Variants in USP22 observed in about 807,000 individuals in gnomAD.
The protein encoded by USP22 is ubiquitin specific peptidase 22, also known as ubiquitin carboxyl-terminal hydrolase 22.
A neutral mutation model predicts 68.1 loss-of-function variants in USP22; 22 were observed. That is an observed-to-expected ratio of 0.32 (90% CI 0.23 to 0.46). USP22 has a LOEUF of 0.46. USP22 is among the 20% of genes least tolerant of loss of function. The pLI is 1.00. For missense variants in USP22, 433 were observed against 695.8 expected (o/e 0.62, Z 4.25); for synonymous variants, 279 against 274.2 (o/e 1.02, Z -0.17).
chr17:21,012,778 C>T (rs1914010645), intron 7 of USP22, 52 bp downstream of exon 7: 2 of 1,516,740 alleles, frequency 1.3e-6, no homozygotes, highest in East Asian at 4.5e-5. Flanking sequence ...GGGAGGATGT[C>T]AGTACGGCCC....
At chr17:21,012,965 T>C in intron 6 of USP22, 30 bp from the exon 7 acceptor site, 1 of 1,604,698 alleles carries the variant, frequency 6.2e-7, no homozygotes, top group Non-Finnish European at 8.5e-7. Context: ...CTGGGATTAG[T>C]GTCTCCCCAA....
At chr17:21,014,205 G>A (rs1402555095) in intron 6 of USP22, among the ~76,000 whole-genome samples, 1 of 152,264 alleles carries the variant, frequency 6.6e-6, no homozygotes, top group Non-Finnish European at 1.5e-5. Flanking sequence ...TTTCTAAACA[G>A]AAGAACCTTA....
intron 1 of USP22, among the ~76,000 whole-genome samples, chr17:21,031,835 G>T (rs1181605381): frequency 6.6e-6 from 1 of 152,230 alleles, no homozygotes; most frequent in Non-Finnish European, 1.5e-5. Flanking sequence ...CAATCACCAG[G>T]GAAGACACAT....
At chr17:21,020,462 G>A (rs546130508) in intron 3 of USP22, among the ~76,000 whole-genome samples, 2 of 152,208 alleles carry the variant, frequency 1.3e-5, no homozygotes, top group East Asian at 3.9e-4. Context: ...TGTGCAGTGG[G>A]GCTGCTGGGA....
intron 1 of USP22, among the ~76,000 whole-genome samples, chr17:21,035,756 C>T (rs186314242): frequency 2.0e-5 from 3 of 152,102 alleles, no homozygotes; most frequent in East Asian, 3.9e-4. Flanking sequence ...TTCGGCTGGG[C>T]GCGGTGGCTC....
Position 21,042,741 on chromosome 17 carries a change from T to A in USP22, c.95A>T (p.Asp32Val), listed in dbSNP as rs1233250493. 66 of 1,490,302 alleles carry A rather than the reference T, an allele frequency of 4.4e-5. No homozygotes were observed. The highest frequency in any genetic ancestry group is 5.8e-5 in the Non-Finnish European group (65 of 1,119,904). 92.3% of individuals were successfully genotyped at this position (1,490,302 alleles called of 1,614,324 possible). A position where few individuals can be genotyped will look rare whatever the true frequency, so the allele number is the denominator to read the frequency against. Residue 32 changes from aspartate to valine, a missense_variant, in exon 1 of 13, where the codon GAC becomes GTC. Asp to Val is a radical substitution (Grantham distance 152). This residue lies in a region of USP22 where 110 missense variants were observed against 89.9 expected (regional missense o/e 1.22). Coordinates refer to ENST00000261497, the MANE Select transcript of USP22 (RefSeq NM_015276.2). ...GGCCCGCAGGTTCTGCTTCCAGTTG[T>A]CCACCTTGAAGCTGCCCAGGTGCGA... is the stretch of plus-strand genomic sequence containing the variant. ...GCSHLGSFKV[D>V]NWKQNLRAIY...
At chr17:21,009,641 C>G (rs1052409603) in intron 8 of USP22, among the ~76,000 whole-genome samples, 2 of 152,106 alleles carry the variant, frequency 1.3e-5, no homozygotes. Flanking sequence ...TTTAATTTAG[C>G]TGCAAAGACT....
intron 1 of USP22, 88 bp downstream of exon 1, chr17:21,042,577 A>C: frequency 2.5e-6 from 3 of 1,213,786 alleles, no homozygotes; most frequent in Non-Finnish European, 3.1e-6. Flanking sequence ...GGGGAAGGGA[A>C]GAGGGCAGGA....
chr17:21,042,363 G>A (rs1357346255), intron 1 of USP22: 2 of 201,956 alleles, frequency 9.9e-6, no homozygotes, highest in Non-Finnish European at 2.0e-5. Flanking sequence ...GAGAAAGGAG[G>A]GGGAGGGGAC....
chr17:21,035,848 G>A (rs1195167016), intron 1 of USP22, among the ~76,000 whole-genome samples: 1 of 151,902 alleles, frequency 6.6e-6, no homozygotes, highest in Non-Finnish European at 1.5e-5. Context: ...GGCTAACACA[G>A]TGAAACCCAG....
At position 21,007,960 on chromosome 17, in the gene USP22, C is replaced by T. The variant is rs1328721529; in HGVS notation, c.1140G>A (p.Lys380=). The change falls in exon 9 of 13, where the codon AAG becomes AAA. Residue 380 remains lysine (K), a synonymous_variant. Transcript: ENST00000261497. ...AGCTATGGCAACCGCTGCACTTGAT[C>T]TTGGCGCTGCTGCCCAAGTGCTCTG... ...TRPEHLGSSA[K]IKCSGCHSYQ... 1 of 1,614,022 alleles carries T rather than the reference C, an allele frequency of 6.2e-7. No individual in the cohort carries two copies. Among genetic ancestry groups the T allele is most frequent in the East Asian group, 2.2e-5 (1 of 44,894 alleles).
chr17:21,018,886 G>C (rs770534879), intron 4 of USP22, among the ~76,000 whole-genome samples, 198 bp downstream of exon 4: 3 of 152,132 alleles, frequency 2.0e-5, no homozygotes, highest in Non-Finnish European at 2.9e-5. Flanking sequence ...CTGTTGCTAC[G>C]CATCACTCTG....
At chr17:21,011,843 C>T (rs147880271) in intron 7 of USP22, among the ~76,000 whole-genome samples, 3 of 152,250 alleles carry the variant, frequency 2.0e-5, no homozygotes, top group East Asian at 3.9e-4. Flanking sequence ...AATTTACTCT[C>T]GATATTTATA....
rs111712869 is a variant in USP22, at chr17:21,042,428, AG to A, written c.171+236del. On this transcript the variant is annotated intron_variant, in intron 1 of 12. Transcript: ENST00000261497. ...GGGGAGGGAAAGGAAGAATGGGGGA[AG>A]GGGGGAGAGGGGAAGGATAGGAAGA... Among the ~76,000 whole-genome samples, 528 of 99,864 alleles carry A rather than the reference AG, an allele frequency of 5.3e-3. 3 individuals carry two copies. The highest frequency in any genetic ancestry group is 0.019 in the African/African-American group (335 of 17,398). The allele number at this position is 99,864 out of a possible 152,430, so 65.5% of individuals were successfully genotyped here. A position where few individuals can be genotyped will look rare whatever the true frequency, so the allele number is the denominator to read the frequency against.
chr17:21,027,310 AT>A (rs1229071197), intron 2 of USP22, among the ~76,000 whole-genome samples: 2 of 144,278 alleles, frequency 1.4e-5, no homozygotes, highest in African/African-American at 4.9e-5. Context: ...AAAAAAAAAA[AT>A]CAGACACACT....
At chr17:21,037,863 T>C (rs1972376442) in intron 1 of USP22, among the ~76,000 whole-genome samples, 2 of 152,202 alleles carry the variant, frequency 1.3e-5, no homozygotes, top group African/African-American at 4.8e-5. Flanking sequence ...CTGGTGGTAA[T>C]TGTACTCCAT....
chr17:21,040,763 G>T (rs1972417968), intron 1 of USP22, among the ~76,000 whole-genome samples: 1 of 152,152 alleles, frequency 6.6e-6, no homozygotes, highest in African/African-American at 2.4e-5. Context: ...GGAAGAGTGG[G>T]GCGGTCCCCA....
chr17:21,002,854 T>C lies in USP22; in HGVS notation c.*177A>G. 1.4e-6 allele frequency: 1 copy of C among 705,330 alleles called. No individual in the cohort carries two copies. 43.7% of individuals were successfully genotyped at this position (705,330 alleles called of 1,614,324 possible). On this transcript the variant is annotated 3_prime_UTR_variant, in exon 13 of 13. Coordinates refer to ENST00000261497, the MANE Select transcript of USP22 (RefSeq NM_015276.2). ...GCAGCTCCAGGAGCCTCCCCGTCCGTGTGGTCCATCCCGACCCGATGGGTC... is the reference window on the plus strand; with the variant it reads ...GCAGCTCCAGGAGCCTCCCCGTCCGCGTGGTCCATCCCGACCCGATGGGTC...
intron 7 of USP22, among the ~76,000 whole-genome samples, 169 bp downstream of exon 7, chr17:21,012,661 A>G (rs996199802): frequency 6.6e-6 from 1 of 151,206 alleles, no homozygotes; most frequent in African/African-American, 2.4e-5. Flanking sequence ...CGACCTCCCC[A>G]AGAGGAAGCA....
Sources: gnomAD v4.1 joint callset for allele counts (sites outside exome capture counted in the v4.1 genomes callset) on GRCh38, gnomAD v4.1.1 for gene constraint, gnomAD v4.1.1 regional missense constraint, MANE v1.5 for transcripts, NCBI Gene and HGNC (gene_info 2026-07-23, HGNC 2026-07-21) for gene names.